The following SLC25A21 variants were observed in gnomAD, a reference collection of about 807,000 sequenced individuals.
SLC25A21 encodes the protein solute carrier family 25 member 21.
A neutral mutation model predicts 43.8 loss-of-function variants in SLC25A21; 47 were observed. The observed-to-expected ratio is 1.07, with a 90% confidence interval of 0.85 to 1.37. The LOEUF (loss-of-function observed/expected upper bound fraction) is 1.37, where lower values mean the gene tolerates loss of function less well. Among genes scored for constraint, SLC25A21 ranks in the 40% most tolerant of loss-of-function variants. The pLI is 0.00. For synonymous variants in SLC25A21, 131 were observed against 121.3 expected, an observed-to-expected ratio of 1.08 and a Z score of -0.52; for missense variants, 352 against 350.2, an observed-to-expected ratio of 1.00 and a Z score of -0.04.
chr14:36,679,351 AAGT>A lies in SLC25A21; in HGVS notation c.*1304_*1306del. The A allele has an allele frequency of 1.0e-6, 1 of 972,758 alleles. No homozygotes were observed. The allele number at this position is 972,758 out of a possible 1,614,324, so 60.3% of individuals were successfully genotyped here. On this transcript the variant is annotated 3_prime_UTR_variant, in exon 10 of 10. Coordinates refer to ENST00000331299, the MANE Select transcript of SLC25A21 (RefSeq NM_030631.4). ...ACTTCAAATGCTCTAAATTAATAAA[AAGT>A]AATAATTACCATGTTATCTTTTACT...
chr14:36,771,991 G>A (rs937975810), intron 3 of SLC25A21, among the ~76,000 whole-genome samples: 1 of 152,202 alleles, frequency 6.6e-6, no homozygotes, highest in African/African-American at 2.4e-5. Flanking sequence ...CTGAGCTCGC[G>A]AGCAGCATAA....
chr14:36,710,018 T>C (rs979626701), intron 7 of SLC25A21, among the ~76,000 whole-genome samples: 2 of 152,168 alleles, frequency 1.3e-5, no homozygotes, highest in Non-Finnish European at 2.9e-5. Context: ...TTTTATATTG[T>C]AGACGTTGAA....
intron 3 of SLC25A21, among the ~76,000 whole-genome samples, chr14:36,790,956 A>C (rs971132558): frequency 9.9e-5 from 15 of 151,772 alleles, no homozygotes; most frequent in Non-Finnish European, 1.5e-5. Flanking sequence ...TTAATAATAG[A>C]GTCCAAATTA....
intron 2 of SLC25A21, among the ~76,000 whole-genome samples, chr14:36,830,373 TGA>T (rs1388954075): frequency 1.3e-5 from 2 of 152,172 alleles, no homozygotes; most frequent in Non-Finnish European, 2.9e-5. Flanking sequence ...TTCGCGGAAG[TGA>T]GGAGGGTTCA....
chr14:36,926,735 A>T (rs1892143487), intron 1 of SLC25A21, among the ~76,000 whole-genome samples: 1 of 152,222 alleles, frequency 6.6e-6, no homozygotes, highest in African/African-American at 2.4e-5. Flanking sequence ...CAGATTAAAT[A>T]CTGTGAAACA....
At position 36,706,577 on chromosome 14, in the gene SLC25A21, C is replaced by A. The variant is rs1033980622; in HGVS notation, c.603+4741G>T. ...TTAGACTCAGAGTTTCCAGGCAGAGCCCGTAATATTCCTCCATAAGCCCAT... is the reference window on the plus strand; with the variant it reads ...TTAGACTCAGAGTTTCCAGGCAGAGACCGTAATATTCCTCCATAAGCCCAT... On this transcript the variant is annotated intron_variant, in intron 7 of 9. Transcript: ENST00000331299. Among the ~76,000 whole-genome samples the A allele has an allele frequency of 3.9e-5, 6 of 152,134 alleles. No individual in the cohort carries two copies. The East Asian group carries it at 9.6e-4, about 24-fold the overall frequency.
chr14:37,161,071 A>C (rs538516597), intron 1 of SLC25A21, among the ~76,000 whole-genome samples: 1 of 152,030 alleles, frequency 6.6e-6, no homozygotes, highest in Non-Finnish European at 1.5e-5. Flanking sequence ...GACTATACTT[A>C]AAATGTATTA....
At position 37,089,620 on chromosome 14, in the gene SLC25A21, A is replaced by G. The variant is rs529458804; in HGVS notation, c.70+82661T>C. Among the ~76,000 whole-genome samples the G allele has an allele frequency of 3.9e-5, 6 of 152,230 alleles. No individual in the cohort carries two copies. In the East Asian group the frequency reaches 1.2e-3, roughly 29 times the overall value. On this transcript the variant is annotated intron_variant, in intron 1 of 9. Transcript: ENST00000331299. ...TGGAGCCATTTGATGACATCAGGGGAGGGGAGGAGACTTTCTTAGAGAGTA... is the reference window on the plus strand; with the variant it reads ...TGGAGCCATTTGATGACATCAGGGGGGGGGAGGAGACTTTCTTAGAGAGTA...
rs905980536 is a variant in SLC25A21, at chr14:37,116,094, T to TA, written c.70+56186dup. ...TCAAAGAGTTTTGAAGTATTGGCTT[T>TA]AAAAAAAAACAACTAAAACTTACTA... is the stretch of plus-strand genomic sequence containing the variant. On this transcript the variant is annotated intron_variant, in intron 1 of 9. Coordinates refer to ENST00000331299, the MANE Select transcript of SLC25A21 (RefSeq NM_030631.4). Among the ~76,000 whole-genome samples the TA allele has an allele frequency of 8.6e-5, 13 of 151,250 alleles. No individual in the cohort carries two copies. The East Asian group carries it at 1.4e-3, about 16-fold the overall frequency.
At chr14:36,880,117 C>A (rs1397211215) in intron 1 of SLC25A21, among the ~76,000 whole-genome samples, 3 of 152,116 alleles carry the variant, frequency 2.0e-5, no homozygotes, top group Non-Finnish European at 2.9e-5. Context: ...TGCTGCTCAG[C>A]ATCACAATGT....
At chr14:37,160,942 A>G (rs1195636591) in intron 1 of SLC25A21, among the ~76,000 whole-genome samples, 1 of 127,338 alleles carries the variant, frequency 7.9e-6, no homozygotes, top group Non-Finnish European at 1.6e-5. Context: ...AGAAAGAAAG[A>G]AGGAGGAAGA....
chr14:36,734,139 C>T (rs1884939185), intron 4 of SLC25A21, among the ~76,000 whole-genome samples: 1 of 152,152 alleles, frequency 6.6e-6, no homozygotes, highest in Non-Finnish European at 1.5e-5. Context: ...TCCCTCCTCT[C>T]CTCTTTCCTC....
chr14:36,990,119 G>A (rs547397602), intron 1 of SLC25A21, among the ~76,000 whole-genome samples: 2 of 152,236 alleles, frequency 1.3e-5, no homozygotes, highest in African/African-American at 4.8e-5. Context: ...ATTTTTTAGG[G>A]TACACACGAC....
chr14:36,747,314 CAT>C (rs1406575828), intron 3 of SLC25A21, among the ~76,000 whole-genome samples: 3 of 152,148 alleles, frequency 2.0e-5, no homozygotes, highest in Admixed American at 6.5e-5. Context: ...GGCTCAACCA[CAT>C]GTTAGCTGTT....
At chr14:36,683,297 C>A (rs370135201) in intron 9 of SLC25A21, among the ~76,000 whole-genome samples, 2 of 152,166 alleles carry the variant, frequency 1.3e-5, no homozygotes, top group Admixed American at 1.3e-4. Context: ...AAGCCTCCAG[C>A]GTCATGCTGA....
intron 3 of SLC25A21, among the ~76,000 whole-genome samples, chr14:36,752,771 G>T (rs762048610): frequency 1.3e-5 from 2 of 152,204 alleles, no homozygotes; most frequent in South Asian, 4.1e-4. Context: ...CCCTCATGCT[G>T]TTCTTGTGAT....
intron 1 of SLC25A21, among the ~76,000 whole-genome samples, chr14:36,913,128 T>A (rs1294894153): frequency 1.3e-5 from 2 of 152,182 alleles, no homozygotes; most frequent in African/African-American, 2.4e-5. Context: ...GTGTTTAACT[T>A]ATACAGTATG....
At chr14:36,990,708 G>A (rs1594741146) in intron 1 of SLC25A21, among the ~76,000 whole-genome samples, 6 of 152,058 alleles carry the variant, frequency 3.9e-5, no homozygotes, top group Admixed American at 3.9e-4. Flanking sequence ...AAGACCTCAT[G>A]TCTACGAAAA....
At chr14:37,045,668 G>A (rs1226140688) in intron 1 of SLC25A21, among the ~76,000 whole-genome samples, 1 of 152,168 alleles carries the variant, frequency 6.6e-6, no homozygotes, top group East Asian at 1.9e-4. Flanking sequence ...GGAAGGTCAG[G>A]CTCTGAACAG....
Sources: gnomAD v4.1 joint callset for allele counts (sites outside exome capture counted in the v4.1 genomes callset) on GRCh38, gnomAD v4.1.1 for gene constraint, MANE v1.5 for transcripts, NCBI Gene and HGNC (gene_info 2026-07-23, HGNC 2026-07-21) for gene names.